ENOX1: variants seen among roughly 807,000 people sequenced by gnomAD.
The protein encoded by ENOX1 is ecto-NOX disulfide-thiol exchanger 1.
A neutral mutation model predicts 82.5 loss-of-function variants in ENOX1; 42 were observed. The observed-to-expected ratio is 0.51, with a 90% CI of 0.40 to 0.66. ENOX1 has a LOEUF of 0.66. Among genes scored for constraint, ENOX1 ranks in the 30% least tolerant of loss-of-function variants. The pLI is 0.00. For synonymous variants in ENOX1, 271 were observed against 282.2 expected (o/e 0.96, Z 0.40); for missense variants, 608 against 811.6 (o/e 0.75, Z 3.05).
At chr13:43,767,403 G>A (rs1453718147) in intron 1 of ENOX1, among the ~76,000 whole-genome samples, 19 of 152,170 alleles carry the variant, frequency 1.2e-4, no homozygotes, top group Admixed American at 1.1e-3. Flanking sequence ...CCTGAAGTAT[G>A]CAGGGAGCCA....
chr13:43,498,302 G>T (rs9567204), intron 2 of ENOX1, among the ~76,000 whole-genome samples: 15,583 of 152,042 alleles, frequency 0.1, 874 homozygotes, highest in East Asian at 0.25. Flanking sequence ...GTGTTTCTGA[G>T]ATTATGGATT....
intron 8 of ENOX1, among the ~76,000 whole-genome samples, chr13:43,354,362 A>G (rs1429781194): frequency 6.6e-6 from 1 of 152,166 alleles, no homozygotes; most frequent in East Asian, 1.9e-4. Flanking sequence ...AGCAAGAAGC[A>G]TTCCTTGGTT....
Position 43,394,119 on chromosome 13 carries a change from C to A in ENOX1, c.208+17797G>T, listed in dbSNP as rs150139846. Among the ~76,000 whole-genome samples, 21 of 152,310 alleles carry A rather than the reference C, an allele frequency of 1.4e-4. No homozygotes were observed. The East Asian group carries it at 3.9e-3, about 28-fold the overall frequency. On this transcript the variant is annotated intron_variant, in intron 5 of 16. Transcript: ENST00000690772. ...CTGAAGAACTGAGACAAATGAACAT[C>A]TTTTCTTTATAAACTGCCTAGTCTC...
chr13:43,254,735 T>C (rs1306226997), intron 14 of ENOX1, among the ~76,000 whole-genome samples: 1 of 152,112 alleles, frequency 6.6e-6, no homozygotes, highest in Non-Finnish European at 1.5e-5. Flanking sequence ...ACACAAATGA[T>C]CCTTAGAGTC....
chr13:43,746,105 A>C (rs2153829404), intron 1 of ENOX1, among the ~76,000 whole-genome samples: 1 of 152,290 alleles, frequency 6.6e-6, no homozygotes, highest in South Asian at 2.1e-4. Context: ...AATTTTTAAA[A>C]GGCAAGTGAG....
intron 5 of ENOX1, among the ~76,000 whole-genome samples, chr13:43,395,627 A>G (rs1388211129): frequency 6.6e-6 from 1 of 152,224 alleles, no homozygotes; most frequent in African/African-American, 2.4e-5. Context: ...TTATCTTCCT[A>G]TATAGTGGAC....
intron 2 of ENOX1, among the ~76,000 whole-genome samples, chr13:43,504,099 T>C (rs902282185): frequency 1.3e-5 from 2 of 151,656 alleles, no homozygotes; most frequent in African/African-American, 4.8e-5. Flanking sequence ...ACAGTACCAA[T>C]CATCAGGGAA....
intron 1 of ENOX1, among the ~76,000 whole-genome samples, chr13:43,669,025 A>G (rs528539949): frequency 1.3e-5 from 2 of 152,316 alleles, no homozygotes; most frequent in South Asian, 2.1e-4. Flanking sequence ...CAACTATCCT[A>G]CAAGACAAGG....
chr13:43,488,224 G>C (rs1053664327), intron 2 of ENOX1, among the ~76,000 whole-genome samples: 1 of 152,144 alleles, frequency 6.6e-6, no homozygotes, highest in Non-Finnish European at 1.5e-5. Context: ...TTTAAGAGAT[G>C]ATTAGGCCAT....
At chr13:43,633,688 A>ATGTGTGTGTGTGTG (rs59390732) in intron 2 of ENOX1, among the ~76,000 whole-genome samples, 50 of 150,194 alleles carry the variant, frequency 3.3e-4, no homozygotes, top group Non-Finnish European at 6.5e-4. Flanking sequence ...AAATGTGTGT[A>ATGTGTGTGTGTGTG]TGTGTGTGTG....
At chr13:43,706,996 C>T (rs1259312836) in intron 1 of ENOX1, among the ~76,000 whole-genome samples, 10 of 151,940 alleles carry the variant, frequency 6.6e-5, no homozygotes, top group African/African-American at 1.9e-4. Context: ...AACATGGTTG[C>T]TTACAGTGAA....
intron 2 of ENOX1, among the ~76,000 whole-genome samples, chr13:43,489,305 T>C (rs1053487125): frequency 2.0e-5 from 3 of 152,158 alleles, no homozygotes; most frequent in Non-Finnish European, 4.4e-5. Flanking sequence ...CCACATTCTG[T>C]TACGGCATTC....
intron 3 of ENOX1, among the ~76,000 whole-genome samples, chr13:43,480,971 A>G (rs1358011727): frequency 6.6e-6 from 1 of 152,222 alleles, no homozygotes; most frequent in East Asian, 1.9e-4. Flanking sequence ...ATTGAAAAGG[A>G]TGGAACATTT....
intron 14 of ENOX1, among the ~76,000 whole-genome samples, chr13:43,240,742 T>G (rs1049350403): frequency 1.3e-5 from 2 of 152,218 alleles, no homozygotes; most frequent in African/African-American, 2.4e-5. Flanking sequence ...TTGGAGGAAG[T>G]AGGATTAGCC....
At chr13:43,333,461 G>C (rs938373756) in intron 9 of ENOX1, among the ~76,000 whole-genome samples, 1 of 152,224 alleles carries the variant, frequency 6.6e-6, no homozygotes, top group African/African-American at 2.4e-5. Flanking sequence ...AGCCTGCCCT[G>C]TATTCAGTTG....
chr13:43,393,855 T>G (rs2153583684), intron 5 of ENOX1, among the ~76,000 whole-genome samples: 1 of 152,298 alleles, frequency 6.6e-6, no homozygotes, highest in East Asian at 1.9e-4. Context: ...TGGGGCCTGG[T>G]GGGAGGTGTT....
chr13:43,669,429 C>T (rs1175300793), intron 1 of ENOX1, among the ~76,000 whole-genome samples: 3 of 152,108 alleles, frequency 2.0e-5, no homozygotes, highest in African/African-American at 7.2e-5. Flanking sequence ...CCTCCAAGTG[C>T]CCTCCTATCT....
At chr13:43,358,392 A>AT (rs996321956) in intron 7 of ENOX1, among the ~76,000 whole-genome samples, 11 of 126,996 alleles carry the variant, frequency 8.7e-5, no homozygotes, top group African/African-American at 2.9e-4. Context: ...TGAAACCCAC[A>AT]TATTTGGAGG....
chr13:43,659,748 T>C (rs1233517578), intron 2 of ENOX1, among the ~76,000 whole-genome samples: 1 of 152,130 alleles, frequency 6.6e-6, no homozygotes, highest in Non-Finnish European at 1.5e-5. Flanking sequence ...ATCAGTATCC[T>C]TGAGTTCTAT....
Sources: gnomAD v4.1 joint callset for allele counts (sites outside exome capture counted in the v4.1 genomes callset) on GRCh38, gnomAD v4.1.1 for gene constraint, MANE v1.5 for transcripts, NCBI Gene and HGNC (gene_info 2026-07-23, HGNC 2026-07-21) for gene names.